THSD4: variants seen among roughly 807,000 people sequenced by gnomAD.
THSD4 encodes thrombospondin type-1 domain-containing protein 4.
A neutral mutation model predicts 119.0 loss-of-function variants in THSD4; 69 were observed. The observed-to-expected ratio is 0.58, with a 90% CI of 0.48 to 0.71. The LOEUF (loss-of-function observed/expected upper bound fraction) is 0.71, where lower values mean the gene tolerates loss of function less well. Ranked by LOEUF, THSD4 falls within the 30% of genes least tolerant of loss-of-function variation. THSD4 has a pLI of 0.00. For synonymous variants in THSD4, 524 were observed against 540.4 expected, an observed-to-expected ratio of 0.97 and a Z score of 0.42; for missense variants, 1,393 against 1,391.1, an observed-to-expected ratio of 1.00 and a Z score of -0.02.
intron 3 of THSD4, among the ~76,000 whole-genome samples, chr15:71,160,646 T>C (rs1204148841): frequency 6.6e-6 from 1 of 152,082 alleles, no homozygotes; most frequent in East Asian, 1.9e-4. Context: ...TCAGTTGTCA[T>C]GTCTCCTTTT....
intron 8 of THSD4, among the ~76,000 whole-genome samples, chr15:71,669,695 G>A (rs28452615): frequency 0.13 from 20,262 of 152,078 alleles, 1,597 homozygotes; most frequent in African/African-American, 0.21. Flanking sequence ...TTCTAGGTAC[G>A]TTCAGTTGCT....
chr15:71,192,192 G>C (rs760219068), intron 3 of THSD4, among the ~76,000 whole-genome samples: 1 of 152,018 alleles, frequency 6.6e-6, no homozygotes, highest in Non-Finnish European at 1.5e-5. Flanking sequence ...GTGAGCCACC[G>C]CACCTGGCCT....
At chr15:71,541,614 C>T (rs2048761230) in intron 7 of THSD4, among the ~76,000 whole-genome samples, 1 of 152,192 alleles carries the variant, frequency 6.6e-6, no homozygotes, top group African/African-American at 2.4e-5. Context: ...CATATCATTA[C>T]ATAGGAAGCA....
intron 8 of THSD4, among the ~76,000 whole-genome samples, chr15:71,692,602 G>A (rs1274309796): frequency 6.6e-6 from 1 of 152,176 alleles, no homozygotes; most frequent in Non-Finnish European, 1.5e-5. Context: ...CTCTCAAGTT[G>A]TTCAACTCTG....
intron 6 of THSD4, among the ~76,000 whole-genome samples, chr15:71,369,554 C>T (rs1454504708): frequency 2.0e-5 from 3 of 152,032 alleles, no homozygotes; most frequent in Non-Finnish European, 2.9e-5. Flanking sequence ...TGGTTTTTGT[C>T]GTTGGTTCTG....
chr15:71,148,474 G>A (rs905747252), intron 2 of THSD4, among the ~76,000 whole-genome samples: 1 of 152,214 alleles, frequency 6.6e-6, no homozygotes, highest in African/African-American at 2.4e-5. Flanking sequence ...CTTAAGCTCA[G>A]ATGAATTTGT....
chr15:71,327,795 A>G (rs1041092113), intron 6 of THSD4, among the ~76,000 whole-genome samples: 3 of 152,308 alleles, frequency 2.0e-5, no homozygotes, highest in East Asian at 1.9e-4. Context: ...GCCTTCAAAT[A>G]TACACAAACA....
At chr15:71,714,043 G>T (rs1361698333) in intron 8 of THSD4, among the ~76,000 whole-genome samples, 5 of 32,064 alleles carry the variant, frequency 1.6e-4, no homozygotes, top group Non-Finnish European at 6.6e-5. Flanking sequence ...CTTACTGTGT[G>T]ACTTTGGACA....
chr15:71,518,874 C>G (rs1214671813), intron 7 of THSD4, among the ~76,000 whole-genome samples: 2 of 152,190 alleles, frequency 1.3e-5, no homozygotes, highest in East Asian at 3.9e-4. Flanking sequence ...TCAGGGATTC[C>G]ACAATGAACA....
intron 8 of THSD4, among the ~76,000 whole-genome samples, chr15:71,668,350 C>G (rs541577767): frequency 6.6e-6 from 1 of 152,226 alleles, no homozygotes; most frequent in South Asian, 2.1e-4. Flanking sequence ...AGGATGTTCA[C>G]TAGCAGAGCA....
At chr15:71,388,863 A>G (rs112506750) in intron 6 of THSD4, among the ~76,000 whole-genome samples, 2,282 of 152,268 alleles carry the variant, frequency 0.015, 68 homozygotes, top group African/African-American at 0.052. Flanking sequence ...TGTAGCTCCC[A>G]TAATTCCCAT....
chr15:71,767,601 A>G (rs2053736172), intron 16 of THSD4: 1 of 152,236 alleles, frequency 6.6e-6, no homozygotes, highest in African/African-American at 2.4e-5. Context: ...TACAGATACA[A>G]GATAGATATT....
At chr15:71,602,887 CAAATA>C (rs886791170) in intron 7 of THSD4, among the ~76,000 whole-genome samples, 1 of 152,122 alleles carries the variant, frequency 6.6e-6, no homozygotes, top group East Asian at 1.9e-4. Context: ...AATTATATCT[CAAATA>C]AGGAGGGGAA....
At chr15:71,719,118 C>A (rs908912273) in intron 8 of THSD4, among the ~76,000 whole-genome samples, 2 of 152,174 alleles carry the variant, frequency 1.3e-5, no homozygotes, top group African/African-American at 4.8e-5. Flanking sequence ...CAGAATAAAT[C>A]AAACCTTCTA....
chr15:71,235,369 A>G (rs147045768), intron 4 of THSD4, among the ~76,000 whole-genome samples: 5 of 152,358 alleles, frequency 3.3e-5, no homozygotes, highest in African/African-American at 1.2e-4. Context: ...CCACATGGAC[A>G]TTATTCATTA....
At chr15:71,542,267 T>C (rs906751044) in intron 7 of THSD4, among the ~76,000 whole-genome samples, 8 of 152,136 alleles carry the variant, frequency 5.3e-5, no homozygotes, top group South Asian at 4.1e-4. Context: ...CTCTAAAATA[T>C]TTATGAATTT....
chr15:71,683,179 C>T (rs1210366680), intron 8 of THSD4, among the ~76,000 whole-genome samples: 1 of 152,016 alleles, frequency 6.6e-6, no homozygotes, highest in Non-Finnish European at 1.5e-5. Flanking sequence ...ACCTTGACCT[C>T]CCAAAGTGCT....
intron 8 of THSD4, among the ~76,000 whole-genome samples, chr15:71,716,152 T>C (rs1287517704): frequency 6.6e-6 from 1 of 152,190 alleles, no homozygotes; most frequent in East Asian, 1.9e-4. Context: ...CCTTGGCTTG[T>C]GGCTTCCTAA....
At chr15:71,236,235 C>T (rs1389625511) in intron 4 of THSD4, among the ~76,000 whole-genome samples, 1 of 152,220 alleles carries the variant, frequency 6.6e-6, no homozygotes, top group South Asian at 2.1e-4. Flanking sequence ...GGGCGGGGCT[C>T]TCACTCTGCC....
Sources: gnomAD v4.1 joint callset for allele counts (sites outside exome capture counted in the v4.1 genomes callset) on GRCh38, gnomAD v4.1.1 for gene constraint, MANE v1.5 for transcripts, NCBI Gene and HGNC (gene_info 2026-07-23, HGNC 2026-07-21) for gene names.